The following BUB1 variants were observed in gnomAD, a reference collection of about 807,000 sequenced individuals.
BUB1 encodes BUB1 mitotic checkpoint serine/threonine kinase.
Under a neutral mutation model 135.2 loss-of-function variants are expected in BUB1, and 84 were observed. The observed-to-expected ratio is 0.62, with a 90% confidence interval of 0.52 to 0.74. The LOEUF (loss-of-function observed/expected upper bound fraction) is 0.74. BUB1 is among the 30% of genes least tolerant of loss of function. The pLI is 0.00. For missense variants in BUB1, 1,162 were observed against 1,288.3 expected (o/e 0.90, Z 1.50); for synonymous variants, 403 against 434.4 (o/e 0.93, Z 0.90).
At chr2:110,653,320 A>C (rs1203512997) in intron 17 of BUB1, 116 bp downstream of exon 17, 1 of 1,013,774 alleles carries the variant, frequency 9.9e-7, no homozygotes, top group African/African-American at 1.6e-5. Context: ...ATTGGCCTTT[A>C]AGGCTAAAAT....
chr2:110,646,049 C>G (rs1689637565), intron 19 of BUB1, among the ~76,000 whole-genome samples: 1 of 150,386 alleles, frequency 6.6e-6, no homozygotes, highest in African/African-American at 2.5e-5. Context: ...ATGGACAGAT[C>G]AACTGGGTGT....
chr2:110,651,172 CACAAT>C (rs555282674), intron 17 of BUB1, among the ~76,000 whole-genome samples: 26 of 152,174 alleles, frequency 1.7e-4, no homozygotes, highest in African/African-American at 6.0e-4. Context: ...AAATGTCAAT[CACAAT>C]ACAACACTCC....
At chr2:110,672,563 A>T in intron 4 of BUB1, 98 bp downstream of exon 4, 1 of 1,306,050 alleles carries the variant, frequency 7.7e-7, no homozygotes, top group Non-Finnish European at 1.0e-6. Context: ...CAAAACTAGA[A>T]GGATTTCCCT....
intron 17 of BUB1, 58 bp from the exon 18 acceptor site, chr2:110,650,842 A>G: frequency 6.9e-7 from 1 of 1,456,188 alleles, no homozygotes; most frequent in Non-Finnish European, 9.6e-7. Flanking sequence ...AATCTGTTGG[A>G]TTCAGTCACA....
At chr2:110,668,224 A>G (rs938170323) in intron 6 of BUB1, among the ~76,000 whole-genome samples, 4 of 151,782 alleles carry the variant, frequency 2.6e-5, no homozygotes, top group African/African-American at 9.7e-5. Context: ...TTTAATTAAA[A>G]TTTTCCTCAG....
intron 8 of BUB1, 54 bp downstream of exon 8, chr2:110,667,467 T>C: frequency 2.0e-6 from 3 of 1,508,002 alleles, no homozygotes; most frequent in Non-Finnish European, 2.7e-6. Flanking sequence ...TACTCAGAGA[T>C]GAGGATTTTT....
Position 110,649,389 on chromosome 2 carries a change from G to GAGA in BUB1, c.2204-15_2204-13dup, listed in dbSNP as rs1689724141. ...CCCAACAATGAAGTCTTAAAGGAAT[G>GAGA]AGAAAAAAAAAAAAAAAGGGAACAT... On this transcript the variant is annotated splice_polypyrimidine_tract_variant and intron_variant, in intron 18 of 24. Transcript: ENST00000302759. The GAGA allele has an allele frequency of 4.6e-6, 6 of 1,301,286 alleles. No homozygotes were observed. The highest frequency in any genetic ancestry group is 5.0e-6 in the Non-Finnish European group (5 of 1,008,970). 80.6% of individuals were successfully genotyped at this position (1,301,286 alleles called of 1,614,324 possible).
intron 3 of BUB1, 124 bp downstream of exon 3, chr2:110,673,959 TTTC>T: frequency 1.3e-6 from 1 of 793,200 alleles, no homozygotes; most frequent in Non-Finnish European, 1.9e-6. Flanking sequence ...ATGAACAGAT[TTTC>T]CTCTCTGTAT....
chr2:110,653,010 C>CT (rs1278993591), intron 17 of BUB1, among the ~76,000 whole-genome samples: 1 of 152,226 alleles, frequency 6.6e-6, no homozygotes, highest in Non-Finnish European at 1.5e-5. Context: ...TTTCACCACT[C>CT]TTTTCACTAA....
intron 9 of BUB1, among the ~76,000 whole-genome samples, chr2:110,663,890 A>G (rs181255162): frequency 0.021 from 3,168 of 152,054 alleles, 66 homozygotes; most frequent in East Asian, 0.059. Flanking sequence ...TTAGCCAGGC[A>G]TGGTGGCAGG....
At position 110,666,353 on chromosome 2, in the gene BUB1, T is replaced by C. The variant is rs774517902; in HGVS notation, c.867A>G (p.Leu289=). ...TATGAAGTTCATCCATTTTCTGTTTTAATAGCTGTTCTTCAAAAGCATTTG... is the reference window on the plus strand; with the variant it reads ...TATGAAGTTCATCCATTTTCTGTTTCAATAGCTGTTCTTCAAAAGCATTTG... ...KEANAFEEQL[L]KQKMDELHKK... Residue 289 remains leucine, a synonymous_variant, in exon 9 of 25, where the codon TTA becomes TTG. Coordinates refer to ENST00000302759, the MANE Select transcript of BUB1 (RefSeq NM_004336.5). The C allele has an allele frequency of 3.2e-6, 5 of 1,541,888 alleles. No individual in the cohort carries two copies. The Admixed American group carries it at 9.5e-5, about 29-fold the overall frequency.
chr2:110,665,664 C>T (rs1690230110), intron 9 of BUB1, among the ~76,000 whole-genome samples: 2 of 151,790 alleles, frequency 1.3e-5, no homozygotes, highest in South Asian at 2.1e-4. Flanking sequence ...CATATATACA[C>T]ACCTTTCATG....
Position 110,638,024 on chromosome 2 carries a change from A to G in BUB1, c.3198T>C (p.Ile1066=). Residue 1066 remains isoleucine, a synonymous_variant, in exon 25 of 25, where the codon ATT becomes ATC. Coordinates refer to ENST00000302759, the MANE Select transcript of BUB1 (RefSeq NM_004336.5). Reference sequence around the variant, plus strand: ...CAATTAGCCTATTACGTAGGGCCCTAATCTTGTTAGTATAGTGTTGTTGAA... The same window carrying G: ...CAATTAGCCTATTACGTAGGGCCCTGATCTTGTTAGTATAGTGTTGTTGAA... ...KVFQQHYTNK[I]RALRNRLIVL... is the part of the protein sequence containing the mutation. 6.2e-7 allele frequency: 1 copy of G among 1,606,260 alleles called. No homozygotes were observed.
At chr2:110,650,862 C>T (rs1689767423) in intron 17 of BUB1, 78 bp from the exon 18 acceptor site, 2 of 1,330,442 alleles carry the variant, frequency 1.5e-6, no homozygotes, top group East Asian at 2.3e-5. Context: ...ATGAAATTCC[C>T]TTCTCATTCT....
chr2:110,648,924 G>A lies in BUB1; in HGVS notation c.2347+310C>T. On this transcript the variant is annotated intron_variant, in intron 19 of 24. Transcript: ENST00000302759. The surrounding 1 kb of genome is among the most constrained non-coding windows in gnomAD (Gnocchi z 4.2). Reference sequence around the variant, plus strand: ...AATGTTACTATAGTATTTTACTATAGAAGTATATAATAATATCTATAGGAA... The same window carrying A: ...AATGTTACTATAGTATTTTACTATAAAAGTATATAATAATATCTATAGGAA... 1 of 175,778 alleles carries A rather than the reference G, an allele frequency of 5.7e-6. No homozygotes were observed. Among genetic ancestry groups the A allele is most frequent in the Non-Finnish European group, 1.2e-5 (1 of 83,228 alleles). 10.9% of individuals were successfully genotyped at this position (175,778 alleles called of 1,614,324 possible). A position where few individuals can be genotyped will look rare whatever the true frequency, so the allele number is the denominator to read the frequency against.
Position 110,659,048 on chromosome 2 carries a change from T to C in BUB1, c.1277-306A>G, listed in dbSNP as rs1243613446. Among the ~76,000 whole-genome samples the C allele has an allele frequency of 9.9e-5, 15 of 152,144 alleles. No individual in the cohort carries two copies. The East Asian group carries it at 2.9e-3, about 29-fold the overall frequency. ...AAATTATACCCTTAGTGCCACTGTA[T>C]CCCAAGTTCATAGTCACAATGTAAA... On this transcript the variant is annotated intron_variant, in intron 11 of 24. Coordinates refer to ENST00000302759, the MANE Select transcript of BUB1 (RefSeq NM_004336.5).
chr2:110,665,904 A>C (rs1160279188), intron 9 of BUB1: 1 of 163,428 alleles, frequency 6.1e-6, no homozygotes, highest in Non-Finnish European at 1.3e-5. Context: ...TGCTTTTCCA[A>C]GATGAAATAA....
Position 110,641,436 on chromosome 2 carries a change from G to A in BUB1, c.2654C>T (p.Pro885Leu), listed in dbSNP as rs759042761. Reference protein sequence around the residue: ...LNAINLYKNTPEKVMPQGLVI... With the variant: ...LNAINLYKNTLEKVMPQGLVI... ...AAGACCTTGAGGCATCACTTTTTCA[G>A]GGGTATTTTTATAGAGGTTAATGGC... The change falls in exon 22 of 25, where the codon CCT becomes CTT. Residue 885 changes from proline to leucine, a missense_variant. Coordinates refer to ENST00000302759, the MANE Select transcript of BUB1 (RefSeq NM_004336.5). The A allele has an allele frequency of 6.2e-7, 1 of 1,613,102 alleles. No individual in the cohort carries two copies. The highest frequency in any genetic ancestry group is 1.1e-5 in the South Asian group (1 of 90,736).
At chr2:110,671,562 TGA>T (rs1268424510) in intron 4 of BUB1, among the ~76,000 whole-genome samples, 1 of 152,204 alleles carries the variant, frequency 6.6e-6, no homozygotes, top group African/African-American at 2.4e-5. Context: ...ATTCTACTAA[TGA>T]GAGGGGAAGA....
Sources: allele counts gnomAD v4.1 joint callset (sites outside exome capture counted in the v4.1 genomes callset), GRCh38; gene constraint gnomAD v4.1.1; non-coding constraint Gnocchi (gnomAD v3.1); transcripts MANE v1.5; gene names NCBI Gene and HGNC (gene_info 2026-07-23, HGNC 2026-07-21).